Variants in TEX15 observed in about 807,000 individuals in gnomAD.
TEX15 encodes testis expressed 15, meiosis and synapsis associated.
Under a neutral mutation model 237.3 loss-of-function variants are expected in TEX15, and 171 were observed. The observed-to-expected ratio is 0.72, with a 90% CI of 0.64 to 0.82. The LOEUF (loss-of-function observed/expected upper bound fraction) is 0.82. TEX15 is among the 40% of genes least tolerant of loss of function. The pLI is 0.00. For missense variants in TEX15, 3,750 were observed against 3,646.5 expected, an observed-to-expected ratio of 1.03 and a Z score of -0.73; for synonymous variants, 1,338 against 1,269.8, an observed-to-expected ratio of 1.05 and a Z score of -1.14.
Position 30,837,250 on chromosome 8 carries a change from C to G in TEX15, c.9034G>C (p.Ala3012Pro), listed in dbSNP as rs1384162738. The G allele has an allele frequency of 6.2e-7, 1 of 1,614,034 alleles. No homozygotes were observed. Among genetic ancestry groups the G allele is most frequent in the African/African-American group, 1.3e-5 (1 of 74,944 alleles). ...DKNSKVLMQN[A>P]ATYWNELPQS... ...GGAAGTTCATTCCAATATGTGGCAGCATTCTGCATTAGGACTTTTGAATTT... is the reference window on the plus strand; with the variant it reads ...GGAAGTTCATTCCAATATGTGGCAGGATTCTGCATTAGGACTTTTGAATTT... Residue 3012 changes from alanine (A) to proline (P), a missense_variant, in exon 10 of 11, where the codon GCT becomes CCT. Physicochemically the swap from Ala to Pro is conservative, Grantham distance 27. Coordinates refer to ENST00000643185, the MANE Select transcript of TEX15 (RefSeq NM_001350162.2).
intron 3 of TEX15, among the ~76,000 whole-genome samples, chr8:30,877,198 T>C (rs1808417879): frequency 6.6e-6 from 1 of 152,204 alleles, no homozygotes; most frequent in African/African-American, 2.4e-5. Context: ...TGAGAATGCA[T>C]GCATTGGGTA....
chr8:30,846,305 C>G lies in TEX15; in HGVS notation c.3862G>C (p.Asp1288His), dbSNP rs781354859. 6.2e-7 allele frequency: 1 copy of G among 1,612,854 alleles called. No homozygotes were observed. The highest frequency in any genetic ancestry group is 2.2e-5 in the East Asian group (1 of 44,850). The change falls in exon 8 of 11, where the codon GAT (aspartate) becomes CAT (histidine). Residue 1288 changes from aspartate (D) to histidine (H), a missense_variant. By Grantham distance (81) the Asp-to-His change is moderately conservative (BLOSUM62 -1). Transcript: ENST00000643185. Reference sequence around the variant, plus strand: ...TCTACCTCCTTTTTATTTTTGGTATCATTATAGTCAGTTTTTGATTTTGTA... The same window carrying G: ...TCTACCTCCTTTTTATTTTTGGTATGATTATAGTCAGTTTTTGATTTTGTA... Reference protein sequence around the residue: ...FFTKSKTDYNDTKNKKEVESR... With the variant: ...FFTKSKTDYNHTKNKKEVESR...
Position 30,888,076 on chromosome 8 carries a change from A to AT in TEX15, c.-9-766dup, listed in dbSNP as rs200927573. 6.6e-3 allele frequency among the ~76,000 whole-genome samples: 980 copies of AT among 148,444 alleles called. 11 individuals carry two copies. Among genetic ancestry groups the AT allele is most frequent in the Non-Finnish European group, 0.011 (715 of 66,880 alleles). On this transcript the variant is annotated intron_variant, in intron 2 of 10. Coordinates refer to ENST00000643185, the MANE Select transcript of TEX15 (RefSeq NM_001350162.2). ...TGGTAAAATTCTTACCAAATACTCC[A>AT]TTTTTTTTTCTTTCTTTCTTTTGAG...
In TEX15 at chr8:30,844,421, A is replaced by T; in HGVS notation, c.5746T>A (p.Ser1916Thr). 2 of 1,612,228 alleles carry T rather than the reference A, an allele frequency of 1.2e-6. No homozygotes were observed. Among genetic ancestry groups the T allele is most frequent in the Middle Eastern group, 1.7e-4 (1 of 6,050 alleles). ...TTCTCTCTTTTGTTAAGCGGATTAG[A>T]AACTGTGTTCTTCAAAGGGACTGAC... Reference protein sequence around the residue: ...TESVPLKNTVSNPLNKREKKG... With the variant: ...TESVPLKNTVTNPLNKREKKG... The change falls in exon 8 of 11, where the codon TCT becomes ACT. Residue 1916 changes from serine (S) to threonine (T), a missense_variant. Coordinates refer to ENST00000643185, the MANE Select transcript of TEX15 (RefSeq NM_001350162.2).
intron 4 of TEX15, among the ~76,000 whole-genome samples, chr8:30,869,944 T>A (rs1808256390): frequency 6.6e-6 from 1 of 151,928 alleles, no homozygotes; most frequent in Non-Finnish European, 1.5e-5. Flanking sequence ...ATTTTAAAAA[T>A]ACATAAAAGA....
chr8:30,845,041 A>G lies in TEX15; in HGVS notation c.5126T>C (p.Leu1709Ser), dbSNP rs1807563562. The G allele has an allele frequency of 6.2e-7, 1 of 1,613,592 alleles. No homozygotes were observed. Among genetic ancestry groups the G allele is most frequent in the African/African-American group, 1.3e-5 (1 of 75,032 alleles). ...NFLMGPLNLT[L>S]IASKKYSIPQ... is the part of the protein sequence containing the mutation. ...AATACTGTACTTTTTACTTGCTATC[A>G]AAGTTAGGTTTAATGGGCCCATAAG... The change falls in exon 8 of 11, where the codon TTG becomes TCG. Residue 1709 changes from leucine to serine, a missense_variant. Transcript: ENST00000643185.
At chr8:30,889,973 A>ATATATATATACATATATATATAT (rs1808764941) in intron 2 of TEX15, among the ~76,000 whole-genome samples, 1 of 145,296 alleles carries the variant, frequency 6.9e-6, no homozygotes, top group African/African-American at 2.6e-5. Flanking sequence ...ATATATGTAT[A>ATATATATATACATATATATATAT]AGTAAAATCA....
At chr8:30,891,930 T>C (rs1047264470) in intron 2 of TEX15, among the ~76,000 whole-genome samples, 22 of 152,252 alleles carry the variant, frequency 1.4e-4, no homozygotes, top group Admixed American at 3.9e-4. Context: ...TTGCTAATTA[T>C]ATTTATTGCA....
chr8:30,848,545 G>T lies in TEX15; in HGVS notation c.1622C>A (p.Pro541Gln). The change falls in exon 8 of 11, where the codon CCA becomes CAA. Residue 541 changes from proline to glutamine, a missense_variant. Pro to Gln is a moderately conservative substitution (Grantham distance 76). Coordinates refer to ENST00000643185, the MANE Select transcript of TEX15 (RefSeq NM_001350162.2). Reference sequence around the variant, plus strand: ...TGACACTACATTTGACACAGAAATTGGGAAGGAAAAATTACCTTGGTCCTT... The same window carrying T: ...TGACACTACATTTGACACAGAAATTTGGAAGGAAAAATTACCTTGGTCCTT... ...QCKDQGNFSF[P>Q]ISVSNVVSEV... 1 of 1,614,066 alleles carries T rather than the reference G, an allele frequency of 6.2e-7. No individual in the cohort carries two copies.
intron 7 of TEX15, among the ~76,000 whole-genome samples, chr8:30,857,286 CAA>C (rs1186651794): frequency 6.6e-6 from 1 of 151,900 alleles, no homozygotes; most frequent in African/African-American, 2.4e-5. Flanking sequence ...TATCGCACAC[CAA>C]AGTCATTTCC....
Position 30,846,362 on chromosome 8 carries a change from T to C in TEX15, c.3805A>G (p.Thr1269Ala). 1 of 1,613,278 alleles carries C rather than the reference T, an allele frequency of 6.2e-7. No individual in the cohort carries two copies. Among genetic ancestry groups the C allele is most frequent in the Non-Finnish European group, 8.5e-7 (1 of 1,179,646 alleles). ...ESLFTEPSNV[T>A]TIDDGSRCFF... ...CATCTGCTTCCATCATCTATTGTTG[T>C]GACATTAGAAGGTTCAGTAAACAAA... Residue 1269 changes from threonine to alanine, a missense_variant, in exon 8 of 11, where the codon ACA (threonine) becomes GCA (alanine). By Grantham distance (58) the Thr-to-Ala change is moderately conservative. Coordinates refer to ENST00000643185, the MANE Select transcript of TEX15 (RefSeq NM_001350162.2).
At chr8:30,898,539 G>A (rs932159518) in intron 2 of TEX15, among the ~76,000 whole-genome samples, 3 of 152,094 alleles carry the variant, frequency 2.0e-5, no homozygotes, top group African/African-American at 4.8e-5. Context: ...GTAGTGGCCC[G>A]AGTAGATTAA....
chr8:30,836,717 A>G, intron 10 of TEX15, 86 bp downstream of exon 10: 1 of 1,215,772 alleles, frequency 8.2e-7, no homozygotes, highest in Non-Finnish European at 1.2e-6. Context: ...CCTCTAACTC[A>G]TCACTTACTG....
chr8:30,877,828 C>T (rs1808432118), intron 3 of TEX15, among the ~76,000 whole-genome samples: 1 of 152,178 alleles, frequency 6.6e-6, no homozygotes, highest in African/African-American at 2.4e-5. Context: ...ACCAGTTTTA[C>T]ATCCACTTGT....
At chr8:30,866,983 TAA>T (rs1197937153) in intron 5 of TEX15, among the ~76,000 whole-genome samples, 1 of 146,824 alleles carries the variant, frequency 6.8e-6, no homozygotes, top group East Asian at 2.0e-4. Flanking sequence ...ACAAAAAGAG[TAA>T]AAGAGAGGTG....
At chr8:30,865,334 C>T (rs1391911716) in intron 5 of TEX15, among the ~76,000 whole-genome samples, 2 of 151,966 alleles carry the variant, frequency 1.3e-5, no homozygotes, top group Admixed American at 6.6e-5. Flanking sequence ...AGTCTTCAGA[C>T]AAAGAAAAGC....
Position 30,858,847 on chromosome 8 carries a change from G to A in TEX15, c.688-17C>T, listed in dbSNP as rs1162538842. ...GAAGTACACCTGAAAGATGAAAACA[G>A]GTTCATGCTGATTAATTTTGGCAAT... On this transcript the variant is annotated splice_polypyrimidine_tract_variant and intron_variant, in intron 6 of 10. Coordinates refer to ENST00000643185, the MANE Select transcript of TEX15 (RefSeq NM_001350162.2). 6 of 1,487,022 alleles carry A rather than the reference G, an allele frequency of 4.0e-6. No homozygotes were observed. The highest frequency in any genetic ancestry group is 1.4e-5 in the African/African-American group (1 of 70,228). 92.1% of individuals were successfully genotyped at this position (1,487,022 alleles called of 1,614,324 possible).
intron 3 of TEX15, among the ~76,000 whole-genome samples, chr8:30,877,441 A>G (rs1006852425): frequency 6.6e-6 from 1 of 152,238 alleles, no homozygotes; most frequent in Non-Finnish European, 1.5e-5. Context: ...AGAAGTTAAC[A>G]TAATGACAAA....
At chr8:30,858,303 TTATC>T (rs1319469351) in intron 7 of TEX15, among the ~76,000 whole-genome samples, 3 of 152,160 alleles carry the variant, frequency 2.0e-5, no homozygotes, top group Admixed American at 2.0e-4. Flanking sequence ...ACTACTTTTT[TTATC>T]TTTTTCTTTT....
Sources: allele counts gnomAD v4.1 joint callset (sites outside exome capture counted in the v4.1 genomes callset), GRCh38; gene constraint gnomAD v4.1.1; transcripts MANE v1.5; gene names NCBI Gene and HGNC (gene_info 2026-07-23, HGNC 2026-07-21).